The following RAP1GDS1 variants were observed in gnomAD, a reference collection of about 807,000 sequenced individuals.
RAP1GDS1 encodes RAP1, GTP-GDP dissociation stimulator 1.
In RAP1GDS1, 35 loss-of-function variants were observed where a neutral mutation model predicts 71.1. That is an observed-to-expected ratio of 0.49 (90% CI 0.38 to 0.65). RAP1GDS1 has a LOEUF of 0.65. Ranked by LOEUF, RAP1GDS1 falls within the 30% of genes least tolerant of loss-of-function variation. RAP1GDS1 has a pLI of 0.00. For synonymous variants in RAP1GDS1, 229 were observed against 243.1 expected, an observed-to-expected ratio of 0.94 and a Z score of 0.54; for missense variants, 663 against 706.1, an observed-to-expected ratio of 0.94 and a Z score of 0.69.
intron 1 of RAP1GDS1, among the ~76,000 whole-genome samples, chr4:98,279,442 A>G (rs1724727007): frequency 1.3e-5 from 2 of 151,958 alleles, no homozygotes; most frequent in South Asian, 4.1e-4. Flanking sequence ...ATAATTTCAG[A>G]TAACTAGTAA....
Position 98,409,196 on chromosome 4 carries a change from A to G in RAP1GDS1, c.763+4594A>G, listed in dbSNP as rs138924062. On this transcript the variant is annotated intron_variant, in intron 7 of 14. Transcript: ENST00000408927. ...TGCCAAAAAACAAACAAGAATTTCT[A>G]TATACCAAAAAAGAAAAAACAGAAA... 414 of 152,300 alleles carry G rather than the reference A, an allele frequency of 2.7e-3. 3 individuals carry two copies. Among genetic ancestry groups the G allele is most frequent in the African/African-American group, 9.6e-3 (401 of 41,576 alleles). The allele number at this position is 152,300 out of a possible 1,614,324, so 9.4% of individuals were successfully genotyped here.
intron 4 of RAP1GDS1, among the ~76,000 whole-genome samples, chr4:98,372,798 C>A (rs909207770): frequency 6.6e-6 from 1 of 152,154 alleles, no homozygotes; most frequent in African/African-American, 2.4e-5. Flanking sequence ...GATTCTCTTA[C>A]CGCAGCCTCC....
chr4:98,352,903 A>G (rs6858054), intron 4 of RAP1GDS1, among the ~76,000 whole-genome samples: 300 of 152,320 alleles, frequency 2.0e-3, no homozygotes, highest in African/African-American at 7.1e-3. Flanking sequence ...CATCTTCTCA[A>G]TTAGGTTTCA....
intron 7 of RAP1GDS1, among the ~76,000 whole-genome samples, chr4:98,412,349 CA>C (rs937260659): frequency 6.6e-6 from 1 of 151,936 alleles, no homozygotes; most frequent in Non-Finnish European, 1.5e-5. Context: ...CCTGTCTCTA[CA>C]AAAAAAGTTT....
rs79910906 is a variant in RAP1GDS1 at position 98,390,722 on chromosome 4, C to T, written c.509-1230C>T. Among the ~76,000 whole-genome samples, 898 of 152,202 alleles carry T rather than the reference C, an allele frequency of 5.9e-3. 11 individuals are homozygous for T. The highest frequency in any genetic ancestry group is 0.021 in the African/African-American group (864 of 41,556). ...GAAAATCACCCACCTGCTTCCTTAT[C>T]TATAGATTAAGAACTATAAAGAGTA... On this transcript the variant is annotated intron_variant, in intron 5 of 14. Coordinates refer to ENST00000408927, the MANE Select transcript of RAP1GDS1 (RefSeq NM_001100427.2).
chr4:98,431,462 A>G (rs1333160301), intron 12 of RAP1GDS1, among the ~76,000 whole-genome samples: 1 of 152,226 alleles, frequency 6.6e-6, no homozygotes, highest in Non-Finnish European at 1.5e-5. Flanking sequence ...TAGCATGGAT[A>G]ATTTGCCTTG....
At chr4:98,373,090 C>G (rs949387150) in intron 4 of RAP1GDS1, among the ~76,000 whole-genome samples, 2 of 152,026 alleles carry the variant, frequency 1.3e-5, no homozygotes, top group Non-Finnish European at 2.9e-5. Flanking sequence ...TGGGTAGATC[C>G]AAATTTTTGT....
chr4:98,321,865 C>T (rs1484937266), intron 2 of RAP1GDS1, among the ~76,000 whole-genome samples: 5 of 96,978 alleles, frequency 5.2e-5, no homozygotes, highest in Non-Finnish European at 1.0e-4. Flanking sequence ...CATCAACTAA[C>T]GAGCAAAATC....
At chr4:98,365,019 T>G (rs1197882445) in intron 4 of RAP1GDS1, among the ~76,000 whole-genome samples, 1 of 151,830 alleles carries the variant, frequency 6.6e-6, no homozygotes, top group East Asian at 1.9e-4. Context: ...AGACCCTGTC[T>G]CAAAAAAAGA....
At chr4:98,329,802 A>G (rs1733672528) in intron 2 of RAP1GDS1, among the ~76,000 whole-genome samples, 1 of 151,470 alleles carries the variant, frequency 6.6e-6, no homozygotes. Flanking sequence ...AAAAAAAAAA[A>G]AAAAAAAAAG....
chr4:98,442,235 C>T lies in RAP1GDS1; in HGVS notation c.*118C>T, dbSNP rs370529810. ...TGTGCATGCATGTGATGTTCTAATA[C>T]CAATTGAAGAACCGCTGTAGGTACC... On this transcript the variant is annotated 3_prime_UTR_variant, in exon 15 of 15. Coordinates refer to ENST00000408927, the MANE Select transcript of RAP1GDS1 (RefSeq NM_001100427.2). The T allele has an allele frequency of 7.2e-7, 1 of 1,386,076 alleles. No individual in the cohort carries two copies. The highest frequency in any genetic ancestry group is 1.5e-5 in the South Asian group (1 of 66,846). The allele number at this position is 1,386,076 out of a possible 1,614,324, so 85.9% of individuals were successfully genotyped here.
In RAP1GDS1 at chr4:98,421,324, A is replaced by G; in HGVS notation, c.1370A>G (p.Lys457Arg). 6.2e-7 allele frequency: 1 copy of G among 1,612,524 alleles called. No homozygotes were observed. The highest frequency in any genetic ancestry group is 8.5e-7 in the Non-Finnish European group (1 of 1,179,078). The change falls in exon 12 of 15, where the codon AAA becomes AGA. Residue 457 changes from lysine to arginine, a missense_variant. Transcript: ENST00000408927. ...VERLVEWCEA[K>R]DHAGVMGESN... is the part of the protein sequence containing the mutation. Reference sequence around the variant, plus strand: ...CGTTTGGTGGAATGGTGTGAAGCCAAAGATCATGCTGGTGTGATGGGGGAG... The same window carrying G: ...CGTTTGGTGGAATGGTGTGAAGCCAGAGATCATGCTGGTGTGATGGGGGAG...
intron 2 of RAP1GDS1, among the ~76,000 whole-genome samples, chr4:98,312,543 A>G (rs564717391): frequency 8.5e-5 from 13 of 152,190 alleles, no homozygotes; most frequent in African/African-American, 2.9e-4. Flanking sequence ...AGAGGTTGAT[A>G]CTATTTTTTT....
At chr4:98,383,797 T>C (rs1742343605) in intron 5 of RAP1GDS1, among the ~76,000 whole-genome samples, 1 of 151,602 alleles carries the variant, frequency 6.6e-6, no homozygotes, top group Non-Finnish European at 1.5e-5. Context: ...TCTTAGTTCA[T>C]AATTAAAAAC....
chr4:98,428,622 G>T (rs886642750), intron 12 of RAP1GDS1, among the ~76,000 whole-genome samples: 5 of 152,186 alleles, frequency 3.3e-5, no homozygotes, highest in Admixed American at 2.6e-4. Flanking sequence ...TCAGGGAAAT[G>T]CACATCAAAA....
At chr4:98,298,652 C>T (rs1728133622) in intron 2 of RAP1GDS1, among the ~76,000 whole-genome samples, 1 of 152,154 alleles carries the variant, frequency 6.6e-6, no homozygotes, top group Non-Finnish European at 1.5e-5. Context: ...AATATTACTG[C>T]TCATTGACAA....
chr4:98,346,186 G>T (rs1736219525), intron 3 of RAP1GDS1, among the ~76,000 whole-genome samples: 1 of 152,112 alleles, frequency 6.6e-6, no homozygotes, highest in African/African-American at 2.4e-5. Context: ...CAGTACTTTT[G>T]ATTAACATTA....
intron 2 of RAP1GDS1, among the ~76,000 whole-genome samples, chr4:98,337,446 A>G (rs1332297211): frequency 6.6e-6 from 1 of 152,212 alleles, no homozygotes; most frequent in Admixed American, 6.5e-5. Flanking sequence ...AGCTTTGGAG[A>G]AGAAATCACA....
intron 5 of RAP1GDS1, among the ~76,000 whole-genome samples, chr4:98,383,278 C>T (rs1042775301): frequency 3.3e-5 from 5 of 151,418 alleles, no homozygotes; most frequent in East Asian, 1.9e-4. Context: ...TACTATTTTA[C>T]GTAAGCTATG....
Sources: allele counts gnomAD v4.1 joint callset (sites outside exome capture counted in the v4.1 genomes callset), GRCh38; gene constraint gnomAD v4.1.1; transcripts MANE v1.5; gene names NCBI Gene and HGNC (gene_info 2026-07-23, HGNC 2026-07-21).